The following METTL2A variants were observed in gnomAD, a reference collection of about 807,000 sequenced individuals.
METTL2A encodes methyltransferase 2A, tRNA N3-cytidine, also known as tRNA N(3)-cytidine methyltransferase METTL2A.
METTL2A carries 45 observed loss-of-function variants against 49.4 expected under a neutral mutation model. That is an observed-to-expected ratio of 0.91 (90% CI 0.72 to 1.17). The LOEUF (loss-of-function observed/expected upper bound fraction) is 1.17, where lower values mean the gene tolerates loss of function less well. Among genes scored for constraint, METTL2A ranks in the 50% most tolerant of loss-of-function variants. The pLI, the probability that METTL2A is intolerant of heterozygous loss-of-function variation, is 0.00. For missense variants in METTL2A, 361 were observed against 462.2 expected, an observed-to-expected ratio of 0.78 and a Z score of 2.01; for synonymous variants, 118 against 167.5, an observed-to-expected ratio of 0.70 and a Z score of 2.28.
chr17:62,444,595 T>C (rs921921315), intron 6 of METTL2A, among the ~76,000 whole-genome samples: 20 of 152,282 alleles, frequency 1.3e-4, no homozygotes, highest in Non-Finnish European at 2.8e-4. Flanking sequence ...CAGGGAACTT[T>C]CTTACGGCAG....
At chr17:62,424,860 A>T (rs1005869104) in intron 2 of METTL2A, among the ~76,000 whole-genome samples, 3 of 151,614 alleles carry the variant, frequency 2.0e-5, no homozygotes, top group African/African-American at 7.3e-5. Flanking sequence ...TGAGAGGTGG[A>T]TGATTTCACT....
chr17:62,430,277 C>G (rs1354493405), intron 4 of METTL2A, among the ~76,000 whole-genome samples: 1 of 152,194 alleles, frequency 6.6e-6, no homozygotes, highest in Non-Finnish European at 1.5e-5. Flanking sequence ...GACTTAGCTT[C>G]AAGTTATGGC....
chr17:62,446,496 A>G (rs1012923763), intron 7 of METTL2A, among the ~76,000 whole-genome samples: 22 of 152,112 alleles, frequency 1.4e-4, no homozygotes, highest in African/African-American at 4.8e-4. Context: ...TATTTTTAGT[A>G]GAGACAGGGT....
intron 3 of METTL2A, among the ~76,000 whole-genome samples, chr17:62,427,534 A>G (rs1355137576): frequency 1.3e-5 from 2 of 152,234 alleles, no homozygotes; most frequent in East Asian, 3.8e-4. Context: ...AACTCAAAAG[A>G]TAAAAGCAAT....
At chr17:62,428,769 C>T (rs1264332422) in intron 4 of METTL2A, among the ~76,000 whole-genome samples, 2 of 152,174 alleles carry the variant, frequency 1.3e-5, no homozygotes, top group Non-Finnish European at 2.9e-5. Flanking sequence ...GTTCACCAAC[C>T]TGGAAGCTCA....
intron 4 of METTL2A, among the ~76,000 whole-genome samples, chr17:62,428,530 T>G (rs1217842450): frequency 6.6e-6 from 1 of 152,234 alleles, no homozygotes; most frequent in Non-Finnish European, 1.5e-5. Flanking sequence ...CCCTCCGTGT[T>G]TCTGCCCTAC....
chr17:62,445,520 C>T (rs866916585), intron 7 of METTL2A, among the ~76,000 whole-genome samples: 5 of 152,064 alleles, frequency 3.3e-5, no homozygotes, highest in East Asian at 1.9e-4. Context: ...GAAAGACAGC[C>T]GGGCGCAGTG....
chr17:62,448,307 G>A (rs2070782152), intron 8 of METTL2A, among the ~76,000 whole-genome samples: 1 of 152,022 alleles, frequency 6.6e-6, no homozygotes, highest in Admixed American at 6.6e-5. Context: ...AGATATTTTT[G>A]CATAAATTTT....
chr17:62,446,655 A>AT (rs1370488953), intron 7 of METTL2A, among the ~76,000 whole-genome samples: 3 of 151,964 alleles, frequency 2.0e-5, no homozygotes, highest in Non-Finnish European at 4.4e-5. Context: ...CAATCCAGTC[A>AT]TTTTTTTTGA....
chr17:62,448,781 T>TA lies in METTL2A; in HGVS notation c.*62dup, dbSNP rs373258331. 4.8e-3 allele frequency: 7,079 copies of TA among 1,489,960 alleles called. 78 individuals carry two copies. The South Asian group carries it at 0.059, about 12-fold the overall frequency. The allele number at this position is 1,489,960 out of a possible 1,614,324, so 92.3% of individuals were successfully genotyped here. On this transcript the variant is annotated 3_prime_UTR_variant, in exon 9 of 9. Transcript: ENST00000311506. Reference sequence around the variant, plus strand: ...AGCCCATTGTGTTTCCGGGCTTTTTTAAAAAAAAAATTGTAGCACTGGGCG... The same window carrying TA: ...AGCCCATTGTGTTTCCGGGCTTTTTTAAAAAAAAAAATTGTAGCACTGGGCG...
intron 3 of METTL2A, among the ~76,000 whole-genome samples, 180 bp downstream of exon 3, chr17:62,426,834 C>T (rs1170888509): frequency 2.6e-5 from 4 of 152,190 alleles, no homozygotes; most frequent in African/African-American, 9.7e-5. Flanking sequence ...TCAATGCAGA[C>T]CAGATATCTG....
intron 6 of METTL2A, 26 bp from the exon 7 acceptor site, chr17:62,444,811 G>A (rs2070757978): frequency 5.6e-6 from 9 of 1,612,322 alleles, no homozygotes; most frequent in Non-Finnish European, 7.6e-6. Context: ...AGACCTGATT[G>A]ACCGTCATTC....
In METTL2A at chr17:62,449,560, A is replaced by C; in HGVS notation, c.*831A>C. 3.0e-6 allele frequency: 1 copy of C among 332,806 alleles called. No homozygotes were observed. Among genetic ancestry groups the C allele is most frequent in the Non-Finnish European group, 5.8e-6 (1 of 172,718 alleles). 20.6% of individuals were successfully genotyped at this position (332,806 alleles called of 1,614,324 possible). Reference sequence around the variant, plus strand: ...ACCCCGTCTCTACTAAAGATAAAAAAATTAGCTGAGTGTGTTGGTGGGTGC... The same window carrying C: ...ACCCCGTCTCTACTAAAGATAAAAACATTAGCTGAGTGTGTTGGTGGGTGC... On this transcript the variant is annotated 3_prime_UTR_variant, in exon 9 of 9. Transcript: ENST00000311506.
At chr17:62,435,314 C>G (rs977330107) in intron 5 of METTL2A, 22 bp downstream of exon 5, 1 of 1,613,834 alleles carries the variant, frequency 6.2e-7, no homozygotes, top group Non-Finnish European at 8.5e-7. Context: ...GGGAAATTAC[C>G]TATTGGTAAT....
intron 4 of METTL2A, among the ~76,000 whole-genome samples, chr17:62,434,196 G>A (rs1480669359): frequency 6.6e-6 from 1 of 152,178 alleles, no homozygotes; most frequent in African/African-American, 2.4e-5. Flanking sequence ...CCTTATGATG[G>A]TCAGTAGCCA....
chr17:62,424,445 A>C, intron 2 of METTL2A, 135 bp downstream of exon 2: 1 of 1,298,022 alleles, frequency 7.7e-7, no homozygotes, highest in Non-Finnish European at 1.1e-6. Flanking sequence ...GTAGAGCGGG[A>C]CAGGGAGGGG....
intron 4 of METTL2A, among the ~76,000 whole-genome samples, chr17:62,434,000 T>C (rs898703936): frequency 3.3e-5 from 5 of 152,112 alleles, no homozygotes; most frequent in African/African-American, 1.2e-4. Flanking sequence ...AGGCAAAGAC[T>C]GCAATGAGTC....
intron 4 of METTL2A, among the ~76,000 whole-genome samples, chr17:62,430,518 G>C (rs964729235): frequency 6.6e-6 from 1 of 152,072 alleles, no homozygotes; most frequent in Non-Finnish European, 1.5e-5. Context: ...TATAAAGTAT[G>C]TCCTCTTATC....
intron 5 of METTL2A, among the ~76,000 whole-genome samples, chr17:62,437,216 A>C (rs1400565687): frequency 1.4e-5 from 2 of 146,426 alleles, no homozygotes; most frequent in Non-Finnish European, 3.0e-5. Context: ...AGCCCACTGT[A>C]GCCTTGAATT....
Sources: allele counts gnomAD v4.1 joint callset (sites outside exome capture counted in the v4.1 genomes callset), GRCh38; gene constraint gnomAD v4.1.1; transcripts MANE v1.5; gene names NCBI Gene and HGNC (gene_info 2026-07-23, HGNC 2026-07-21).